SLC14A2: variants seen among roughly 807,000 people sequenced by gnomAD.
SLC14A2 encodes the protein urea transporter 2.
A neutral mutation model predicts 104.6 loss-of-function variants in SLC14A2; 91 were observed. That is an observed-to-expected ratio of 0.87 (90% CI 0.73 to 1.04). The LOEUF (loss-of-function observed/expected upper bound fraction) is 1.04, where lower values mean the gene tolerates loss of function less well. Among genes scored for constraint, SLC14A2 ranks in the 50% least tolerant of loss-of-function variants. The pLI is 0.00. For synonymous variants in SLC14A2, 476 were observed against 466.4 expected, an observed-to-expected ratio of 1.02 and a Z score of -0.27; for missense variants, 1,189 against 1,156.0, an observed-to-expected ratio of 1.03 and a Z score of -0.41.
At position 45,549,653 on chromosome 18, in the gene SLC14A2, T is replaced by C. The variant is rs1598992350; in HGVS notation, c.-35+66331T>C. ...TAGTCGGATGCTACGGCAAGTTGCC[T>C]TGGGAGACCAAGGGACCTAGTGAAG... On this transcript the variant is annotated intron_variant, in intron 2 of 20. Coordinates refer to the SLC14A2 transcript ENST00000586448. Among the ~76,000 whole-genome samples, 4 of 152,336 alleles carry C rather than the reference T, an allele frequency of 2.6e-5. No individual in the cohort carries two copies. The South Asian group carries it at 8.3e-4, about 32-fold the overall frequency.
the SLC14A2 span, among the ~76,000 whole-genome samples, chr18:45,202,509 A>T: frequency 2.5e-4 from 38 of 152,300 alleles, no homozygotes; most frequent in African/African-American, 9.1e-4. Flanking sequence ...CAAACATAAC[A>T]TTGGGGAGTA....
intron 1 of SLC14A2, among the ~76,000 whole-genome samples, chr18:45,367,597 C>G (rs2085679102): frequency 6.6e-6 from 1 of 152,166 alleles, no homozygotes; most frequent in Non-Finnish European, 1.5e-5. Context: ...CCCAGAAGTC[C>G]AGAAGTGTGC....
intron 1 of SLC14A2, among the ~76,000 whole-genome samples, chr18:45,283,611 G>GT (rs2084784945): frequency 1.3e-5 from 2 of 152,182 alleles, no homozygotes; most frequent in Non-Finnish European, 2.9e-5. Flanking sequence ...TATTAAATCA[G>GT]GTATACATAG....
At chr18:45,241,939 G>A (rs949156685) in intron 1 of SLC14A2, among the ~76,000 whole-genome samples, 4 of 151,866 alleles carry the variant, frequency 2.6e-5, no homozygotes, top group African/African-American at 4.8e-5. Context: ...CACAGTGCCC[G>A]GCAACTTACC....
At chr18:45,495,061 T>C (rs2852270) in intron 2 of SLC14A2, among the ~76,000 whole-genome samples, 143,764 of 152,134 alleles carry the variant, frequency 0.94, 68,484 homozygotes, top group East Asian at 1. Context: ...TTTCCTCACT[T>C]GGATCCTAGA....
At chr18:45,238,065 G>C (rs2084273841) in intron 1 of SLC14A2, among the ~76,000 whole-genome samples, 1 of 152,156 alleles carries the variant, frequency 6.6e-6, no homozygotes, top group African/African-American at 2.4e-5. Context: ...AATATCTCTA[G>C]ACTTATTGGA....
At chr18:45,444,900 G>C (rs1419581409) in intron 1 of SLC14A2, among the ~76,000 whole-genome samples, 1 of 152,108 alleles carries the variant, frequency 6.6e-6, no homozygotes, top group Non-Finnish European at 1.5e-5. Flanking sequence ...ATAGCCCATT[G>C]GTTCAATTTC....
intron 1 of SLC14A2, among the ~76,000 whole-genome samples, chr18:45,617,278 C>A (rs976412894): frequency 1.3e-5 from 2 of 152,194 alleles, no homozygotes; most frequent in Non-Finnish European, 1.5e-5. Flanking sequence ...CCCTGCCAGG[C>A]TCTGGTTAGA....
intron 2 of SLC14A2, among the ~76,000 whole-genome samples, chr18:45,589,678 C>T (rs1322912239): frequency 4.6e-5 from 7 of 152,164 alleles, no homozygotes; most frequent in Non-Finnish European, 8.8e-5. Context: ...CCTCCAGCTG[C>T]GAGTGTCTGG....
intron 1 of SLC14A2, among the ~76,000 whole-genome samples, chr18:45,374,037 A>G (rs2085749206): frequency 6.6e-6 from 1 of 152,238 alleles, no homozygotes; most frequent in Admixed American, 6.5e-5. Flanking sequence ...CCATCTGATC[A>G]TGACAACCTC....
At chr18:45,296,398 G>A (rs1289069722) in intron 1 of SLC14A2, among the ~76,000 whole-genome samples, 1 of 152,162 alleles carries the variant, frequency 6.6e-6, no homozygotes, top group Non-Finnish European at 1.5e-5. Context: ...AGGTAAGTTG[G>A]GATATAATTG....
chr18:45,337,031 GA>G lies in SLC14A2; in HGVS notation c.-125+123850del, dbSNP rs111926259. The stretch of plus-strand genomic sequence containing the variant: ...TTAAGTGTGCATACAAAAATATTTA[GA>G]AAAAAAAAACCCCTTAGATTATATA... On this transcript the variant is annotated intron_variant, in intron 1 of 20. Coordinates refer to the SLC14A2 transcript ENST00000586448. Among the ~76,000 whole-genome samples, 605 of 145,974 alleles carry G rather than the reference GA, an allele frequency of 4.1e-3. 6 individuals are homozygous for G. Among genetic ancestry groups the G allele is most frequent in the African/African-American group, 0.014 (565 of 39,822 alleles).
At chr18:45,590,490 T>A (rs1011546228) in intron 2 of SLC14A2, among the ~76,000 whole-genome samples, 1 of 152,122 alleles carries the variant, frequency 6.6e-6, no homozygotes, top group South Asian at 2.1e-4. Flanking sequence ...TGGAGGTGAA[T>A]TGGTTTTGTT....
At chr18:45,335,263 A>G (rs112876601) in intron 1 of SLC14A2, among the ~76,000 whole-genome samples, 1 of 152,258 alleles carries the variant, frequency 6.6e-6, no homozygotes, top group African/African-American at 2.4e-5. Flanking sequence ...TTTCGTATAA[A>G]TGGAATCAAC....
At chr18:45,263,610 A>C (rs2084561853) in intron 1 of SLC14A2, among the ~76,000 whole-genome samples, 1 of 152,124 alleles carries the variant, frequency 6.6e-6, no homozygotes, top group Non-Finnish European at 1.5e-5. Context: ...ATTTTTCTAC[A>C]TTTACTAAGC....
Position 45,362,713 on chromosome 18 carries a change from T to C in SLC14A2, c.-124-120520T>C, listed in dbSNP as rs145336734. ...CACGTTCTGTCCAAAGCAGGAAGCA[T>C]AGGTTTTTCTAGATATCCAGAAGCA... On this transcript the variant is annotated intron_variant, in intron 1 of 20. Transcript: ENST00000586448. 3.7e-4 allele frequency among the ~76,000 whole-genome samples: 56 copies of C among 152,300 alleles called. 1 individual carries two copies. In the East Asian group the frequency reaches 0.01, roughly 28 times the overall value.
chr18:45,629,530 C>A (rs1404112252), intron 4 of SLC14A2, among the ~76,000 whole-genome samples: 1 of 152,148 alleles, frequency 6.6e-6, no homozygotes, highest in African/African-American at 2.4e-5. Flanking sequence ...TGAACTCTGT[C>A]CAGCCCACTG....
chr18:45,386,638 A>G (rs1364878584), intron 1 of SLC14A2, among the ~76,000 whole-genome samples: 3 of 152,004 alleles, frequency 2.0e-5, no homozygotes, highest in African/African-American at 7.3e-5. Flanking sequence ...CTCCTCCTCC[A>G]CTCAACAGCT....
At chr18:45,346,518 C>T (rs2085449651) in intron 1 of SLC14A2, among the ~76,000 whole-genome samples, 1 of 152,096 alleles carries the variant, frequency 6.6e-6, no homozygotes, top group South Asian at 2.1e-4. Flanking sequence ...GAATATTGAT[C>T]CTTTGTTGTT....
Sources: gnomAD v4.1 joint callset for allele counts (sites outside exome capture counted in the v4.1 genomes callset) on GRCh38, gnomAD v4.1.1 for gene constraint, MANE v1.5 for transcripts, NCBI Gene and HGNC (gene_info 2026-07-23, HGNC 2026-07-21) for gene names.